The following CHST9 variants were observed in gnomAD, a reference collection of about 807,000 sequenced individuals.
The protein encoded by CHST9 is carbohydrate sulfotransferase 9, also known as GalNAc-4-sulfotransferase 2.
A neutral mutation model predicts 44.4 loss-of-function variants in CHST9; 41 were observed. The observed-to-expected ratio is 0.92, with a 90% CI of 0.72 to 1.20. CHST9 has a LOEUF of 1.20. CHST9 is among the 50% of genes most tolerant of loss of function. The pLI, the probability that CHST9 is intolerant of heterozygous loss-of-function variation, is 0.00. For synonymous variants in CHST9, 171 were observed against 178.4 expected, an observed-to-expected ratio of 0.96 and a Z score of 0.33; for missense variants, 504 against 516.5, an observed-to-expected ratio of 0.98 and a Z score of 0.23.
chr18:27,184,254 G>A (rs912904047), intron 1 of CHST9, among the ~76,000 whole-genome samples: 3 of 152,128 alleles, frequency 2.0e-5, no homozygotes, highest in African/African-American at 7.2e-5. Flanking sequence ...CAGTATGTTT[G>A]TGGGAGGGAG....
At chr18:27,099,705 A>G (rs2058152288) in intron 2 of CHST9, among the ~76,000 whole-genome samples, 1 of 152,084 alleles carries the variant, frequency 6.6e-6, no homozygotes, top group African/African-American at 2.4e-5. Flanking sequence ...TTTACAAATT[A>G]AAAACAACAA....
chr18:26,980,183 C>T (rs1279875789), intron 4 of CHST9, among the ~76,000 whole-genome samples: 2 of 152,102 alleles, frequency 1.3e-5, no homozygotes, highest in Non-Finnish European at 2.9e-5. Flanking sequence ...TAACCCTTCA[C>T]TATAGAGTTA....
chr18:27,091,480 A>G (rs1032837568), intron 2 of CHST9, among the ~76,000 whole-genome samples: 2 of 152,090 alleles, frequency 1.3e-5, no homozygotes, highest in Non-Finnish European at 2.9e-5. Context: ...TTCCAACACT[A>G]TGTTGAATAG....
At chr18:27,158,479 C>G (rs1221305574) in intron 1 of CHST9, among the ~76,000 whole-genome samples, 1 of 149,950 alleles carries the variant, frequency 6.7e-6, no homozygotes. Flanking sequence ...GTATATGTAC[C>G]ACAATTTCTT....
At chr18:27,180,313 C>T (rs919636723) in intron 1 of CHST9, among the ~76,000 whole-genome samples, 1 of 152,130 alleles carries the variant, frequency 6.6e-6, no homozygotes, top group African/African-American at 2.4e-5. Context: ...TAGTGAAATA[C>T]ACATTACTTT....
At chr18:26,932,314 C>T (rs1262599294) in intron 5 of CHST9, among the ~76,000 whole-genome samples, 3 of 152,158 alleles carry the variant, frequency 2.0e-5, no homozygotes, top group African/African-American at 4.8e-5. Flanking sequence ...TTTATGTCAG[C>T]CTTGCAACAA....
At chr18:27,054,603 A>G (rs2057630497) in intron 2 of CHST9, among the ~76,000 whole-genome samples, 3 of 152,182 alleles carry the variant, frequency 2.0e-5, no homozygotes. Context: ...TGTTTCATGG[A>G]GAAATATTAC....
At chr18:27,006,810 C>A (rs1400781564) in intron 4 of CHST9, among the ~76,000 whole-genome samples, 1 of 152,164 alleles carries the variant, frequency 6.6e-6, no homozygotes, top group African/African-American at 2.4e-5. Flanking sequence ...TCAAAGCCAG[C>A]AAAGCCGGGT....
At chr18:27,064,013 G>T (rs2143624649) in intron 2 of CHST9, among the ~76,000 whole-genome samples, 1 of 151,970 alleles carries the variant, frequency 6.6e-6, no homozygotes, top group African/African-American at 2.4e-5. Context: ...CATCTAACAG[G>T]TATCCTCCAG....
chr18:27,003,985 C>T (rs1398449059), intron 4 of CHST9, among the ~76,000 whole-genome samples: 2 of 150,986 alleles, frequency 1.3e-5, no homozygotes, highest in Non-Finnish European at 2.9e-5. Context: ...TTAGGTAAAA[C>T]AGAGCCTGGA....
intron 1 of CHST9, among the ~76,000 whole-genome samples, chr18:27,169,919 T>C (rs983654705): frequency 6.6e-6 from 1 of 152,148 alleles, no homozygotes; most frequent in Non-Finnish European, 1.5e-5. Flanking sequence ...AAAATATATA[T>C]TCTTTTAAGC....
chr18:27,023,835 G>A (rs1195671480), intron 4 of CHST9, among the ~76,000 whole-genome samples: 1 of 152,114 alleles, frequency 6.6e-6, no homozygotes. Flanking sequence ...TTTCATATAA[G>A]GAAAACACCA....
At chr18:27,120,096 G>A (rs144626628) in intron 2 of CHST9, among the ~76,000 whole-genome samples, 70 of 152,272 alleles carry the variant, frequency 4.6e-4, no homozygotes, top group Non-Finnish European at 9.0e-4. Context: ...TGATCCCAAG[G>A]TTTTATTTTA....
chr18:26,916,692 T>TCGGGTG lies in CHST9; in HGVS notation c.898_899insCACCCG (p.Tyr300delinsSerProAsp). 1 of 1,613,894 alleles carries TCGGGTG rather than the reference T, an allele frequency of 6.2e-7. No individual in the cohort carries two copies. The highest frequency in any genetic ancestry group is 8.5e-7 in the Non-Finnish European group (1 of 1,179,806). On this transcript the variant is annotated protein_altering_variant, in exon 6 of 6. Coordinates refer to ENST00000618847, the MANE Select transcript of CHST9 (RefSeq NM_031422.6). ...TGCCTTTCCGAATACTGGATGGTAA[T>TCGGGTG]AACTATTGGGGTGTTCAAATTTGTC...
intron 4 of CHST9, among the ~76,000 whole-genome samples, chr18:27,000,243 C>T (rs1057339759): frequency 6.6e-6 from 1 of 152,182 alleles, no homozygotes; most frequent in Non-Finnish European, 1.5e-5. Context: ...AATTGTCTAA[C>T]CACATCTGCT....
At chr18:27,092,648 T>C (rs1598718041) in intron 2 of CHST9, among the ~76,000 whole-genome samples, 1 of 152,332 alleles carries the variant, frequency 6.6e-6, no homozygotes, top group East Asian at 1.9e-4. Context: ...ATGTTGTGTC[T>C]TTGTTCTCAT....
At chr18:27,164,468 G>A (rs1000211541) in intron 1 of CHST9, among the ~76,000 whole-genome samples, 2 of 151,992 alleles carry the variant, frequency 1.3e-5, no homozygotes, top group African/African-American at 4.8e-5. Flanking sequence ...CAGGAAATTG[G>A]ATTAATTTAA....
intron 4 of CHST9, among the ~76,000 whole-genome samples, chr18:27,002,450 G>A (rs1249691127): frequency 1.3e-5 from 2 of 152,058 alleles, no homozygotes; most frequent in African/African-American, 4.8e-5. Flanking sequence ...GTTTTACAGT[G>A]GTGCAAAAGC....
rs181768596 is a variant in CHST9, at chr18:27,049,841, G to A, written c.122-1338C>T. ...TCATAAGATGGCTGAAGCTGAAGGA[G>A]TGAATGGGGCATAAAGGCAGACAGC... is the stretch of plus-strand genomic sequence containing the variant. On this transcript the variant is annotated intron_variant, in intron 2 of 5. Transcript: ENST00000618847. Among the ~76,000 whole-genome samples the A allele has an allele frequency of 3.0e-3, 450 of 152,300 alleles. 2 individuals carry two copies. The highest frequency in any genetic ancestry group is 0.01 in the African/African-American group (428 of 41,584).
Sources: gnomAD v4.1 joint callset for allele counts (sites outside exome capture counted in the v4.1 genomes callset) on GRCh38, gnomAD v4.1.1 for gene constraint, MANE v1.5 for transcripts, NCBI Gene and HGNC (gene_info 2026-07-23, HGNC 2026-07-21) for gene names.